The following ACTN1 variants were observed in gnomAD, a reference collection of about 807,000 sequenced individuals.
ACTN1 encodes the protein actinin alpha 1, also known as alpha-actinin-1.
In ACTN1, 30 loss-of-function variants were observed where a neutral mutation model predicts 119.6. The observed-to-expected ratio is 0.25, with a 90% CI of 0.19 to 0.34. The LOEUF (loss-of-function observed/expected upper bound fraction) is 0.34, where lower values mean the gene tolerates loss of function less well. ACTN1 is among the 10% of genes least tolerant of loss of function. ACTN1 has a pLI of 1.00. For synonymous variants in ACTN1, 429 were observed against 472.6 expected (o/e 0.91, Z 1.20); for missense variants, 764 against 1,223.4 (o/e 0.62, Z 5.60).
rs1261792242 is a variant in ACTN1, at chr14:68,878,527, T to TG, written c.2362-5dup. 1.2e-6 allele frequency: 2 copies of TG among 1,607,900 alleles called. No homozygotes were observed. Among genetic ancestry groups the TG allele is most frequent in the Non-Finnish European group, 8.5e-7 (1 of 1,176,526 alleles). On this transcript the variant is annotated splice_region_variant and splice_polypyrimidine_tract_variant and intron_variant, in intron 19 of 21. Coordinates refer to ENST00000394419, the MANE Select transcript of ACTN1 (RefSeq NM_001130004.2). The surrounding 1 kb of genome is among the most constrained non-coding windows in gnomAD (Gnocchi z 4.4). ...TGTCCATCATGCCTGTCTTCTTCTGTGGGGGGCAGTGGTACCAAGACACAA... is the reference window on the plus strand; with the variant it reads ...TGTCCATCATGCCTGTCTTCTTCTGTGGGGGGGCAGTGGTACCAAGACACAA...
chr14:68,874,971 T>C lies in ACTN1; in HGVS notation c.2633A>G (p.Gln878Arg), dbSNP rs367686061. The change falls in exon 22 of 22, where the codon CAG (glutamine) becomes CGG (arginine). Residue 878 changes from glutamine (Q) to arginine (R), a missense_variant. This residue lies in a region of ACTN1 where 102 missense variants were observed against 78.2 expected (regional missense o/e 1.30). Transcript: ENST00000394419. ...DELRRELPPDQAEYCIARMAP... is the reference protein window; with the variant it reads ...DELRRELPPDRAEYCIARMAP... ...CATCCGCGCGATGCAGTACTCAGCCTGGTCGGGTGGCAGCTCGCGGCGCAG... is the reference window on the plus strand; with the variant it reads ...CATCCGCGCGATGCAGTACTCAGCCCGGTCGGGTGGCAGCTCGCGGCGCAG... The C allele has an allele frequency of 2.5e-6, 4 of 1,613,712 alleles. No homozygotes were observed. In the African/African-American group the frequency reaches 4.0e-5, roughly 16 times the overall value.
intron 1 of ACTN1, among the ~76,000 whole-genome samples, chr14:68,952,461 G>C (rs536324632): frequency 6.6e-6 from 1 of 152,230 alleles, no homozygotes; most frequent in Non-Finnish European, 1.5e-5. Flanking sequence ...TAACTGCAGA[G>C]ATAAAATGGA....
chr14:68,929,379 G>C (rs2035103929), intron 1 of ACTN1, among the ~76,000 whole-genome samples: 1 of 152,114 alleles, frequency 6.6e-6, no homozygotes, highest in Admixed American at 6.5e-5. Context: ...CTCCAGCCTG[G>C]ACGCCCAGCG....
At chr14:68,956,853 A>C (rs1250665413) in intron 1 of ACTN1, among the ~76,000 whole-genome samples, 2 of 151,988 alleles carry the variant, frequency 1.3e-5, no homozygotes, top group Non-Finnish European at 2.9e-5. Flanking sequence ...TTTAGAGTTC[A>C]TTGTGGTTTT....
At chr14:68,922,878 T>C (rs977151853) in intron 2 of ACTN1, among the ~76,000 whole-genome samples, 2 of 152,210 alleles carry the variant, frequency 1.3e-5, no homozygotes, top group African/African-American at 2.4e-5. Context: ...GGACCACACT[T>C]TGAGAACCTC....
chr14:68,937,038 G>C (rs1381064286), intron 1 of ACTN1, among the ~76,000 whole-genome samples: 2 of 151,978 alleles, frequency 1.3e-5, no homozygotes, highest in African/African-American at 2.4e-5. Context: ...TTGGATTCTC[G>C]CTCTTGTATG....
At chr14:68,934,909 T>C (rs544685979) in intron 1 of ACTN1, among the ~76,000 whole-genome samples, 2 of 152,226 alleles carry the variant, frequency 1.3e-5, no homozygotes, top group South Asian at 4.1e-4. Context: ...ATGAAAAAAA[T>C]GACTAAAAAC....
chr14:68,925,360 G>A lies in ACTN1; in HGVS notation c.220+198C>T, dbSNP rs1177395670. ...TTTTTTTAAAACAAACAAGGATGCT[G>A]AAACAAATGTCCAAGGCACCTGGAT... On this transcript the variant is annotated intron_variant, in intron 2 of 21. Transcript: ENST00000394419. This position sits in a 1 kb window ranked among gnomAD's most constrained non-coding sequence, Gnocchi z 4.3. 7.7e-6 allele frequency among the ~76,000 whole-genome samples: 1 copy of A among 130,578 alleles called. No homozygotes were observed. Among genetic ancestry groups the A allele is most frequent in the Admixed American group, 8.7e-5 (1 of 11,510 alleles). The allele number at this position is 130,578 out of a possible 152,430, so 85.7% of individuals were successfully genotyped here.
chr14:68,904,584 T>C (rs1292829898), intron 7 of ACTN1, 71 bp downstream of exon 7: 7 of 1,438,064 alleles, frequency 4.9e-6, no homozygotes, highest in Middle Eastern at 3.5e-4. Context: ...ACTGCTGGGG[T>C]CCACCCCTTC....
At chr14:68,875,686 A>G (rs1291179851) in intron 21 of ACTN1, among the ~76,000 whole-genome samples, 3 of 152,182 alleles carry the variant, frequency 2.0e-5, no homozygotes, top group African/African-American at 7.2e-5. Context: ...GTCGCCCTGC[A>G]CCATGCCCTA....
chr14:68,943,509 G>A (rs2035832663), intron 1 of ACTN1, among the ~76,000 whole-genome samples: 1 of 152,122 alleles, frequency 6.6e-6, no homozygotes, highest in South Asian at 2.1e-4. Flanking sequence ...GCAGCCCTGG[G>A]GTGCTTTCGG....
chr14:68,977,116 G>C (rs1303686695), intron 1 of ACTN1, among the ~76,000 whole-genome samples: 1 of 152,290 alleles, frequency 6.6e-6, no homozygotes, highest in Non-Finnish European at 1.5e-5. Context: ...GCACAAAGCA[G>C]GTGCTCCCTA....
At chr14:68,906,263 G>A (rs1339611412) in intron 6 of ACTN1, among the ~76,000 whole-genome samples, 1 of 152,196 alleles carries the variant, frequency 6.6e-6, no homozygotes. Context: ...ACCAGTTATT[G>A]TATAAGTTTT....
chr14:68,966,637 G>A (rs562940023), intron 1 of ACTN1, among the ~76,000 whole-genome samples: 1 of 152,302 alleles, frequency 6.6e-6, no homozygotes, highest in East Asian at 1.9e-4. Context: ...CCAACAGAAA[G>A]GGAGCAGGAG....
At chr14:68,884,995 G>C (rs943116094) in intron 12 of ACTN1, 112 bp from the exon 13 acceptor site, 5 of 869,060 alleles carry the variant, frequency 5.8e-6, no homozygotes, top group Non-Finnish European at 5.6e-6. Context: ...AGAGCCAGGG[G>C]CGCTCCCTTC....
At chr14:68,901,251 T>G (rs1209764196) in intron 8 of ACTN1, among the ~76,000 whole-genome samples, 1 of 101,220 alleles carries the variant, frequency 9.9e-6, no homozygotes, top group Non-Finnish European at 2.1e-5. Context: ...TTTGTTTTGT[T>G]TTTTTTTTTT....
chr14:68,884,510 G>C (rs928164560), intron 13 of ACTN1, among the ~76,000 whole-genome samples: 1 of 152,164 alleles, frequency 6.6e-6, no homozygotes, highest in African/African-American at 2.4e-5. Flanking sequence ...GTGTAGAATA[G>C]GAGGGTTCTC....
Position 68,885,527 on chromosome 14 carries a change from G to T in ACTN1, c.1283C>A (p.Ser428Ter). ...CTTCTTGAGCAGGGCCTTGATCTCC[G>T]AGAGGGTGGCGGTCTCATAGTCCTT... ...RQKDYETATL[S>*]EIKALLKKHE... is the part of the protein sequence containing the mutation. The change falls in exon 12 of 22, where the codon TCG becomes TAG. Residue 428 changes from serine (S) to a stop codon, truncating the protein, a stop_gained. Transcript: ENST00000394419. LOFTEE classifies it high-confidence loss of function. This position sits in a 1 kb window ranked among gnomAD's most constrained non-coding sequence, Gnocchi z 5.6. 1 of 1,614,036 alleles carries T rather than the reference G, an allele frequency of 6.2e-7. No individual in the cohort carries two copies. The highest frequency in any genetic ancestry group is 8.5e-7 in the Non-Finnish European group (1 of 1,180,024).
intron 20 of ACTN1, 96 bp from the exon 21 acceptor site, chr14:68,877,336 G>T: frequency 6.8e-7 from 1 of 1,478,476 alleles, no homozygotes. Flanking sequence ...GCAGCCTATG[G>T]CTGGAAGAGA....
Sources: gnomAD v4.1 joint callset for allele counts (sites outside exome capture counted in the v4.1 genomes callset) on GRCh38, gnomAD v4.1.1 for gene constraint, gnomAD v4.1.1 regional missense constraint, Gnocchi (gnomAD v3.1) non-coding constraint, MANE v1.5 for transcripts, NCBI Gene and HGNC (gene_info 2026-07-23, HGNC 2026-07-21) for gene names.